Variants in ZNF804B observed in about 807,000 individuals in gnomAD.
ZNF804B encodes the protein zinc finger protein 804B.
In ZNF804B, 80 loss-of-function variants were observed where a neutral mutation model predicts 101.4. The observed-to-expected ratio is 0.79, with a 90% CI of 0.66 to 0.95. The LOEUF (loss-of-function observed/expected upper bound fraction) is 0.95. ZNF804B is among the 40% of genes least tolerant of loss of function. The pLI, the probability that ZNF804B is intolerant of heterozygous loss-of-function variation, is 0.00. For missense variants in ZNF804B, 1,673 were observed against 1,561.9 expected, an observed-to-expected ratio of 1.07 and a Z score of -1.20; for synonymous variants, 622 against 558.8, an observed-to-expected ratio of 1.11 and a Z score of -1.59.
At chr7:89,213,731 G>T (rs555661662) in intron 1 of ZNF804B, among the ~76,000 whole-genome samples, 3 of 152,184 alleles carry the variant, frequency 2.0e-5, no homozygotes, top group African/African-American at 7.2e-5. Flanking sequence ...GGTGAATCAC[G>T]CCTCTGAAGT....
rs531738050 is a variant in ZNF804B at position 89,179,053 on chromosome 7, G to T, written c.109-39102G>T. 6.6e-5 allele frequency among the ~76,000 whole-genome samples: 10 copies of T among 152,184 alleles called. No homozygotes were observed. In the East Asian group the frequency reaches 1.7e-3, roughly 26 times the overall value. ...TTGTCAGATATTTTGGAACTTCTTT[G>T]TATGTATTTGTTTCTTTTGTCACTT... On this transcript the variant is annotated intron_variant, in intron 1 of 3. Transcript: ENST00000333190.
chr7:88,835,216 A>G (rs7800785), intron 1 of ZNF804B, among the ~76,000 whole-genome samples: 70,037 of 151,634 alleles, frequency 0.46, 17,150 homozygotes, highest in East Asian at 0.81. Context: ...GTGTGAACCC[A>G]AGATCATGAA....
At chr7:88,990,393 C>A (rs1793828645) in intron 1 of ZNF804B, among the ~76,000 whole-genome samples, 1 of 152,080 alleles carries the variant, frequency 6.6e-6, no homozygotes, top group Admixed American at 6.5e-5. Context: ...CTTTCTCTCT[C>A]TCTGGATATA....
chr7:89,063,696 A>G (rs1789409633), intron 1 of ZNF804B, among the ~76,000 whole-genome samples: 2 of 152,320 alleles, frequency 1.3e-5, no homozygotes, highest in Middle Eastern at 6.8e-3. Context: ...TTTTCAAATT[A>G]TTTAACTAAA....
intron 1 of ZNF804B, among the ~76,000 whole-genome samples, chr7:89,133,893 C>G (rs1348068875): frequency 1.3e-5 from 2 of 152,052 alleles, no homozygotes; most frequent in Non-Finnish European, 2.9e-5. Flanking sequence ...TCTAAAGACA[C>G]TATCTCATTA....
At chr7:89,052,319 T>A (rs1488719296) in intron 1 of ZNF804B, among the ~76,000 whole-genome samples, 1 of 151,930 alleles carries the variant, frequency 6.6e-6, no homozygotes, top group East Asian at 1.9e-4. Context: ...TTTTAATTGT[T>A]TACCATCAGT....
At chr7:89,258,397 T>A (rs1789666327) in intron 2 of ZNF804B, among the ~76,000 whole-genome samples, 1 of 152,162 alleles carries the variant, frequency 6.6e-6, no homozygotes, top group African/African-American at 2.4e-5. Flanking sequence ...TTTAACTGTG[T>A]CAGTGTGGCT....
intron 1 of ZNF804B, among the ~76,000 whole-genome samples, chr7:88,866,645 G>A (rs1173405440): frequency 6.6e-6 from 1 of 152,184 alleles, no homozygotes; most frequent in African/African-American, 2.4e-5. Flanking sequence ...CTGCAGCCAA[G>A]TAAAATGCAC....
chr7:89,042,428 A>C, intron 1 of ZNF804B, among the ~76,000 whole-genome samples: 1 of 152,236 alleles, frequency 6.6e-6, no homozygotes. Flanking sequence ...AATATGTGGA[A>C]CTCACACTTA....
chr7:88,879,813 C>T (rs937686079), intron 1 of ZNF804B, among the ~76,000 whole-genome samples: 4 of 151,932 alleles, frequency 2.6e-5, no homozygotes, highest in Non-Finnish European at 5.9e-5. Flanking sequence ...CTGAGGCAGG[C>T]GGATTGCTTG....
At chr7:88,948,434 T>C (rs1329147606) in intron 1 of ZNF804B, among the ~76,000 whole-genome samples, 2 of 149,810 alleles carry the variant, frequency 1.3e-5, no homozygotes, top group Non-Finnish European at 3.0e-5. Flanking sequence ...AAGCTTACCC[T>C]TCCAAGAATA....
intron 1 of ZNF804B, among the ~76,000 whole-genome samples, chr7:89,141,200 C>G (rs1408262340): frequency 4.6e-5 from 7 of 151,992 alleles, no homozygotes; most frequent in Non-Finnish European, 1.5e-5. Context: ...TCAAAGATCA[C>G]TGATTAAAGA....
intron 1 of ZNF804B, among the ~76,000 whole-genome samples, chr7:89,088,714 A>G (rs1789841672): frequency 1.3e-5 from 2 of 150,342 alleles, no homozygotes; most frequent in Non-Finnish European, 3.0e-5. Context: ...CATGTCCTCT[A>G]CCTCTGGGCT....
chr7:88,914,086 T>C (rs573382664), intron 1 of ZNF804B, among the ~76,000 whole-genome samples: 6 of 152,118 alleles, frequency 3.9e-5, no homozygotes, highest in Non-Finnish European at 5.9e-5. Context: ...TGCTAGAGAA[T>C]AGGTGGGTTT....
chr7:89,203,237 C>T (rs1049417866), intron 1 of ZNF804B, among the ~76,000 whole-genome samples: 2 of 152,090 alleles, frequency 1.3e-5, no homozygotes, highest in African/African-American at 4.8e-5. Flanking sequence ...TAAACATTGG[C>T]CCCAGTTTCC....
intron 1 of ZNF804B, among the ~76,000 whole-genome samples, chr7:88,802,195 G>T (rs900568072): frequency 6.6e-6 from 1 of 152,046 alleles, no homozygotes; most frequent in Non-Finnish European, 1.5e-5. Context: ...TCAATCATGC[G>T]AAACTGTGAG....
intron 1 of ZNF804B, among the ~76,000 whole-genome samples, chr7:88,828,244 T>C (rs562858237): frequency 3.3e-5 from 5 of 152,290 alleles, no homozygotes; most frequent in Admixed American, 6.5e-5. Context: ...GTGCACATTT[T>C]GCAATTTTGA....
At chr7:88,877,883 G>T (rs910983374) in intron 1 of ZNF804B, among the ~76,000 whole-genome samples, 7 of 151,948 alleles carry the variant, frequency 4.6e-5, no homozygotes, top group Non-Finnish European at 1.0e-4. Context: ...TATGTTACTC[G>T]TTTCAATACA....
In ZNF804B at chr7:88,951,065, T is replaced by A. The variant is rs147777913; in HGVS notation, c.108+190981T>A. ...AATGCCACCTATCCAGTGCACATAG[T>A]TGAATTTTTCTACTTTGCAGGAATT... On this transcript the variant is annotated intron_variant, in intron 1 of 3. Coordinates refer to ENST00000333190, the MANE Select transcript of ZNF804B (RefSeq NM_181646.5). Among the ~76,000 whole-genome samples, 449 of 151,986 alleles carry A rather than the reference T, an allele frequency of 3.0e-3. 19 individuals carry two copies. The South Asian group carries it at 0.063, about 21-fold the overall frequency.
Sources: gnomAD v4.1 joint callset for allele counts (sites outside exome capture counted in the v4.1 genomes callset) on GRCh38, gnomAD v4.1.1 for gene constraint, MANE v1.5 for transcripts, NCBI Gene and HGNC (gene_info 2026-07-23, HGNC 2026-07-21) for gene names.